Variants in RPP14 observed in about 807,000 individuals in gnomAD.
The protein encoded by RPP14 is ribonuclease P/MRP subunit p14.
A neutral mutation model predicts 17.8 loss-of-function variants in RPP14; 19 were observed. That is an observed-to-expected ratio of 1.07 (90% CI 0.74 to 1.57). The LOEUF is 1.57. Ranked by LOEUF, RPP14 falls within the 40% of genes most tolerant of loss-of-function variation. The pLI is 0.00. For missense variants in RPP14, 125 were observed against 140.8 expected, an observed-to-expected ratio of 0.89 and a Z score of 0.57; for synonymous variants, 60 against 56.4, an observed-to-expected ratio of 1.06 and a Z score of -0.29.
chr3:58,308,091 A>T (rs976717260), intron 1 of RPP14: 1 of 152,166 alleles, frequency 6.6e-6, no homozygotes, highest in Admixed American at 6.5e-5. Context: ...GTGCCAAGCA[A>T]TGAAAGAAAC....
chr3:58,311,583 CTT>C (rs963557050), intron 3 of RPP14, among the ~76,000 whole-genome samples: 1 of 151,528 alleles, frequency 6.6e-6, no homozygotes, highest in Non-Finnish European at 1.5e-5. Context: ...GAATTTCATT[CTT>C]TTTTATGGCT....
At position 58,318,228 on chromosome 3, in the gene RPP14, CTTAG is replaced by C. The variant is rs1408982515; in HGVS notation, c.*737_*740del. The stretch of plus-strand genomic sequence containing the variant: ...ATGGTTGATAGGCCCAGAAGCCCAT[CTTAG>C]TTAGGGGAAGGGAGCAGGAAGAGGG... On this transcript the variant is annotated 3_prime_UTR_variant, in exon 6 of 6. Coordinates refer to ENST00000295959, the MANE Select transcript of RPP14 (RefSeq NM_007042.6). 6 of 584,470 alleles carry C rather than the reference CTTAG, an allele frequency of 1.0e-5. No individual in the cohort carries two copies. The highest frequency in any genetic ancestry group is 5.6e-5 in the East Asian group (2 of 35,544). The allele number at this position is 584,470 out of a possible 1,614,324, so 36.2% of individuals were successfully genotyped here. A position where few individuals can be genotyped will look rare whatever the true frequency, so the allele number is the denominator to read the frequency against.
At position 58,318,028 on chromosome 3, in the gene RPP14, A is replaced by G. The variant is rs2097490209; in HGVS notation, c.*532A>G. ...GAAAAAGCTGAAGCGGTTCATTGCT[A>G]TTATTGCAGTGTCATGTTCTGTAAT... On this transcript the variant is annotated 3_prime_UTR_variant, in exon 6 of 6. Transcript: ENST00000295959. The G allele has an allele frequency of 7.1e-6, 5 of 702,498 alleles. No homozygotes were observed. The highest frequency in any genetic ancestry group is 1.0e-5 in the Non-Finnish European group (4 of 384,924). 43.5% of individuals were successfully genotyped at this position (702,498 alleles called of 1,614,324 possible).
intron 2 of RPP14, 41 bp from the exon 3 acceptor site, chr3:58,310,466 A>T: frequency 6.3e-7 from 1 of 1,595,936 alleles, no homozygotes; most frequent in Non-Finnish European, 8.5e-7. Context: ...TCTGAATAGA[A>T]TGAAATTTAA....
intron 3 of RPP14, among the ~76,000 whole-genome samples, chr3:58,311,136 T>TTTGTTG (rs144147590): frequency 1.3e-5 from 2 of 150,110 alleles, no homozygotes; most frequent in Non-Finnish European, 3.0e-5. Context: ...AAATCTACTT[T>TTTGTTG]TTGTTGTTGT....
intron 3 of RPP14, among the ~76,000 whole-genome samples, chr3:58,312,599 G>A (rs780120596): frequency 1.3e-5 from 2 of 152,046 alleles, no homozygotes; most frequent in African/African-American, 4.8e-5. Context: ...GCCTAGACTG[G>A]CACCTGCAAA....
In RPP14 at chr3:58,317,431, C is replaced by A. The variant is rs1432695552; in HGVS notation, c.319-9C>A. On this transcript the variant is annotated splice_polypyrimidine_tract_variant and intron_variant, in intron 5 of 5. Coordinates refer to ENST00000295959, the MANE Select transcript of RPP14 (RefSeq NM_007042.6). The stretch of plus-strand genomic sequence containing the variant: ...TCCCAATGCCTTAACCTTTTTCTTT[C>A]TCTTCTAGGTTTCTCCATTTCTTCT... The A allele has an allele frequency of 1.3e-6, 2 of 1,582,544 alleles. No individual in the cohort carries two copies. The highest frequency in any genetic ancestry group is 1.7e-6 in the Non-Finnish European group (2 of 1,154,896).
intron 3 of RPP14, among the ~76,000 whole-genome samples, chr3:58,313,581 T>G (rs1475298330): frequency 6.6e-6 from 1 of 150,824 alleles, no homozygotes; most frequent in Non-Finnish European, 1.5e-5. Flanking sequence ...CCACCACTTT[T>G]GAGAGGCCAA....
At chr3:58,311,324 T>G (rs2097482031) in intron 3 of RPP14, among the ~76,000 whole-genome samples, 1 of 152,162 alleles carries the variant, frequency 6.6e-6, no homozygotes, top group South Asian at 2.1e-4. Context: ...CCAACTAATT[T>G]TTGTATTTTT....
rs2097488322 is a variant in RPP14 at position 58,316,398 on chromosome 3, A to T, written c.163-117A>T. 4 of 910,882 alleles carry T rather than the reference A, an allele frequency of 4.4e-6. No homozygotes were observed. In the East Asian group the frequency reaches 7.4e-5, roughly 17 times the overall value. The allele number at this position is 910,882 out of a possible 1,614,324, so 56.4% of individuals were successfully genotyped here. On this transcript the variant is annotated intron_variant, in intron 3 of 5. Coordinates refer to ENST00000295959, the MANE Select transcript of RPP14 (RefSeq NM_007042.6). ...GGCAACTAAAGTGCCAGCACCATTA[A>T]ATAAAATACTGCTTATGTGGAGGAG...
chr3:58,317,194 A>G (rs983401023), intron 5 of RPP14, among the ~76,000 whole-genome samples: 1 of 152,244 alleles, frequency 6.6e-6, no homozygotes, highest in African/African-American at 2.4e-5. Flanking sequence ...ATGTTTTGGG[A>G]TAAAACTTGC....
chr3:58,309,742 G>A (rs534316393), intron 1 of RPP14, among the ~76,000 whole-genome samples: 3 of 151,950 alleles, frequency 2.0e-5, no homozygotes, highest in Admixed American at 1.3e-4. Flanking sequence ...ATACAAAAAA[G>A]GTAGCCGGGC....
chr3:58,319,803 T>G lies in RPP14; in HGVS notation c.*2307T>G, dbSNP rs2097492589. 6.6e-6 allele frequency: 1 copy of G among 152,160 alleles called. No homozygotes were observed. Among genetic ancestry groups the G allele is most frequent in the Admixed American group, 6.6e-5 (1 of 15,264 alleles). 9.4% of individuals were successfully genotyped at this position (152,160 alleles called of 1,614,324 possible). On this transcript the variant is annotated 3_prime_UTR_variant, in exon 6 of 6. Transcript: ENST00000295959. The stretch of plus-strand genomic sequence containing the variant: ...AACACTTTTGTTTCCCATTTTTTTT[T>G]GTTTCCCGTTTTTTAATAAAATTGA...
In RPP14 at chr3:58,320,001, G is replaced by A. The variant is rs2097492835; in HGVS notation, c.*2505G>A. On this transcript the variant is annotated 3_prime_UTR_variant, in exon 6 of 6. Transcript: ENST00000295959. Reference sequence around the variant, plus strand: ...ATCCATTTCTCTCCTCCAGTCTTTGGGAATCACCAGTCTACTTTCTGTCTC... The same window carrying A: ...ATCCATTTCTCTCCTCCAGTCTTTGAGAATCACCAGTCTACTTTCTGTCTC... 6.6e-6 allele frequency: 1 copy of A among 151,992 alleles called. No individual in the cohort carries two copies. The highest frequency in any genetic ancestry group is 1.5e-5 in the Non-Finnish European group (1 of 68,010). The allele number at this position is 151,992 out of a possible 1,614,324, so 9.4% of individuals were successfully genotyped here. A position where few individuals can be genotyped will look rare whatever the true frequency, so the allele number is the denominator to read the frequency against.
chr3:58,308,764 G>A (rs1207815464), intron 1 of RPP14, among the ~76,000 whole-genome samples: 3 of 151,404 alleles, frequency 2.0e-5, no homozygotes, highest in Non-Finnish European at 4.4e-5. Flanking sequence ...TCCCTGTAGT[G>A]GGGGATCCAT....
intron 3 of RPP14, among the ~76,000 whole-genome samples, chr3:58,312,018 G>A (rs554509019): frequency 1.7e-4 from 26 of 151,952 alleles, no homozygotes; most frequent in Non-Finnish European, 3.1e-4. Context: ...GACCACAGGC[G>A]TGTGCCACCA....
chr3:58,308,463 TG>T (rs1385613294), intron 1 of RPP14, among the ~76,000 whole-genome samples: 139 of 129,568 alleles, frequency 1.1e-3, no homozygotes, highest in African/African-American at 3.6e-3. Flanking sequence ...TAAGTTTTTT[TG>T]TTTTTTTTTT....
In RPP14 at chr3:58,320,071, G is replaced by A. The variant is rs901122343; in HGVS notation, c.*2575G>A. 3 of 152,038 alleles carry A rather than the reference G, an allele frequency of 2.0e-5. No homozygotes were observed. Among genetic ancestry groups the A allele is most frequent in the African/African-American group, 7.2e-5 (3 of 41,406 alleles). The allele number at this position is 152,038 out of a possible 1,614,324, so 9.4% of individuals were successfully genotyped here. On this transcript the variant is annotated 3_prime_UTR_variant, in exon 6 of 6. Coordinates refer to ENST00000295959, the MANE Select transcript of RPP14 (RefSeq NM_007042.6). ...GACATTTCATAAAAGTTCATACAAT[G>A]TATGATCCTTTGGAACTGGCTTCTT...
At chr3:58,313,125 G>A (rs1251207829) in intron 3 of RPP14, among the ~76,000 whole-genome samples, 2 of 151,878 alleles carry the variant, frequency 1.3e-5, no homozygotes, top group African/African-American at 2.4e-5. Context: ...CGGGCGCAGC[G>A]GCGGGCACCT....
Sources: allele counts gnomAD v4.1 joint callset (sites outside exome capture counted in the v4.1 genomes callset), GRCh38; gene constraint gnomAD v4.1.1; transcripts MANE v1.5; gene names NCBI Gene and HGNC (gene_info 2026-07-23, HGNC 2026-07-21).